The following EHF variants were observed in gnomAD, a reference collection of about 807,000 sequenced individuals.
EHF encodes ESE3 transcription factor.
EHF carries 14 observed loss-of-function variants against 45.1 expected under a neutral mutation model. The ratio of observed to expected loss-of-function variants is 0.31; its 90% CI spans 0.21 to 0.49. The LOEUF (loss-of-function observed/expected upper bound fraction) is 0.49. Among genes scored for constraint, EHF ranks in the 20% least tolerant of loss-of-function variants. The probability of loss-of-function intolerance (pLI) is 0.99; values close to 1 mark genes in which losing one functional copy is unlikely to be tolerated. For missense variants in EHF, 282 were observed against 371.4 expected, an observed-to-expected ratio of 0.76 and a Z score of 1.98; for synonymous variants, 136 against 131.8, an observed-to-expected ratio of 1.03 and a Z score of -0.22.
intron 1 of EHF, among the ~76,000 whole-genome samples, chr11:34,641,550 A>T (rs1436595139): frequency 2.0e-5 from 3 of 152,250 alleles, no homozygotes; most frequent in Middle Eastern, 6.8e-3. Flanking sequence ...CCCCAAAACA[A>T]GCAGAAAATT....
chr11:34,657,092 A>G, intron 7 of EHF, 122 bp downstream of exon 7: 1 of 1,185,958 alleles, frequency 8.4e-7, no homozygotes, highest in Non-Finnish European at 1.2e-6. Flanking sequence ...CATCCCAAAC[A>G]GGGTGGAGTG....
intron 1 of EHF, among the ~76,000 whole-genome samples, chr11:34,625,063 C>A (rs1048795545): frequency 5.3e-5 from 8 of 152,088 alleles, no homozygotes; most frequent in Non-Finnish European, 8.8e-5. Context: ...AGGATAAGCA[C>A]GAATCTGTGA....
At chr11:34,633,806 G>A (rs1853127784) in intron 1 of EHF, among the ~76,000 whole-genome samples, 2 of 152,098 alleles carry the variant, frequency 1.3e-5, no homozygotes. Context: ...CTTGTCTTTT[G>A]ATCAACTTGA....
chr11:34,627,408 C>T (rs893656394), intron 1 of EHF, among the ~76,000 whole-genome samples: 1 of 152,098 alleles, frequency 6.6e-6, no homozygotes, highest in Non-Finnish European at 1.5e-5. Context: ...TGATTCTCCT[C>T]CAGGCAGTTC....
intron 2 of EHF, among the ~76,000 whole-genome samples, chr11:34,645,791 T>C (rs1328287041): frequency 6.6e-6 from 1 of 152,132 alleles, no homozygotes; most frequent in Non-Finnish European, 1.5e-5. Flanking sequence ...GTGAAGAGCC[T>C]CAATGCCTAG....
intron 1 of EHF, chr11:34,624,256 C>T (rs1852177980): frequency 1.0e-6 from 1 of 985,224 alleles, no homozygotes; most frequent in South Asian, 4.7e-5. Context: ...GTCTAGAGAC[C>T]ACATTCTCAC....
chr11:34,646,688 A>C lies in EHF; in HGVS notation c.343+4A>C. The C allele has an allele frequency of 6.2e-7, 1 of 1,607,528 alleles. No homozygotes were observed. The highest frequency in any genetic ancestry group is 8.5e-7 in the Non-Finnish European group (1 of 1,179,908). ...TTGCAGCATCTGAAGTGGAACGGTG[A>C]CTCTCTCTTTCTGTGTCTCTCCCTA... On this transcript the variant is annotated splice_donor_region_variant and intron_variant, in intron 3 of 8. Transcript: ENST00000257831.
In EHF at chr11:34,662,829, G is replaced by A. The variant is rs574252523; in HGVS notation, c.*3898G>A. Among the ~76,000 whole-genome samples, 5 of 152,194 alleles carry A rather than the reference G, an allele frequency of 3.3e-5. No individual in the cohort carries two copies. In the South Asian group the frequency reaches 8.3e-4, roughly 25 times the overall value. On this transcript the variant is annotated 3_prime_UTR_variant, in exon 9 of 9. Coordinates refer to ENST00000257831, the MANE Select transcript of EHF (RefSeq NM_012153.6). ...AATTATGTAGGAAGCAATAGATCTC[G>A]GTAGTTACGTATTGGGCAGATACTT...
rs1855982500 is a variant in EHF at position 34,659,925 on chromosome 11, G to A, written c.*994G>A. On this transcript the variant is annotated 3_prime_UTR_variant, in exon 9 of 9. Coordinates refer to ENST00000257831, the MANE Select transcript of EHF (RefSeq NM_012153.6). ...ACCACTTGACACCAGAAACCCCCCA[G>A]CTGTGATAACGCAAAATGTCTCTAG... 6.6e-6 allele frequency: 1 copy of A among 152,120 alleles called. No individual in the cohort carries two copies. Among genetic ancestry groups the A allele is most frequent in the Non-Finnish European group, 1.5e-5 (1 of 68,030 alleles). 9.4% of individuals were successfully genotyped at this position (152,120 alleles called of 1,614,324 possible).
intron 6 of EHF, among the ~76,000 whole-genome samples, chr11:34,656,627 C>T (rs1482759298): frequency 1.3e-5 from 2 of 152,196 alleles, no homozygotes; most frequent in Non-Finnish European, 2.9e-5. Flanking sequence ...CCTTTTCCCT[C>T]ATATCCTTTA....
chr11:34,632,514 G>A lies in EHF; in HGVS notation c.-3-10114G>A, dbSNP rs1852986052. 2.6e-6 allele frequency: 4 copies of A among 1,534,490 alleles called. No homozygotes were observed. In the Admixed American group the frequency reaches 7.9e-5, roughly 30 times the overall value. On this transcript the variant is annotated intron_variant, in intron 1 of 8. Coordinates refer to ENST00000257831, the MANE Select transcript of EHF (RefSeq NM_012153.6). ...GTGGAGATTGGTTTTGGCTCAGGCT[G>A]CTTTGTGAAACTCAGAAGCATTATC...
rs753527625 is a variant in EHF at position 34,646,621 on chromosome 11, A to C, written c.280A>C (p.Thr94Pro). 6.2e-7 allele frequency: 1 copy of C among 1,613,820 alleles called. No individual in the cohort carries two copies. The highest frequency in any genetic ancestry group is 8.5e-7 in the Non-Finnish European group (1 of 1,179,910). Residue 94 changes from threonine to proline, a missense_variant, in exon 3 of 9, where the codon ACC becomes CCC. By Grantham distance (38) the Thr-to-Pro change is conservative. Transcript: ENST00000257831. The stretch of plus-strand genomic sequence containing the variant: ...CTGCAGCATGAGTTTGCAGGAGTTC[A>C]CCCGGGCGGCAGGGACGGCGGGGCA... ...HLCSMSLQEF[T>P]RAAGTAGQLL... is the part of the protein sequence containing the mutation.
chr11:34,649,128 C>G, intron 4 of EHF, 47 bp downstream of exon 4: 1 of 1,599,160 alleles, frequency 6.3e-7, no homozygotes, highest in South Asian at 1.1e-5. Context: ...GGCAAAGCTC[C>G]GGGGAGGACA....
intron 7 of EHF, 62 bp downstream of exon 7, chr11:34,657,032 G>A (rs768982623): frequency 5.0e-6 from 8 of 1,591,646 alleles, no homozygotes; most frequent in Non-Finnish European, 6.9e-6. Flanking sequence ...ACATCTGGAG[G>A]CCACTAGTTT....
In EHF at chr11:34,624,091, C is replaced by T. The variant is rs1429543058; in HGVS notation, c.-4+2863C>T. The stretch of plus-strand genomic sequence containing the variant: ...ATGTTGTGGTTTTAAGGAACTCAAT[C>T]TAAAGCTTGAACCTGATTTTCAGGG... On this transcript the variant is annotated intron_variant, in intron 1 of 8. Transcript: ENST00000257831. Among the ~76,000 whole-genome samples the T allele has an allele frequency of 3.3e-5, 5 of 152,230 alleles. No homozygotes were observed. In the East Asian group the frequency reaches 9.6e-4, roughly 29 times the overall value.
At chr11:34,632,539 C>A (rs754793836) in intron 1 of EHF, 2 of 1,535,436 alleles carry the variant, frequency 1.3e-6, no homozygotes, top group Non-Finnish European at 8.7e-7. Flanking sequence ...GAAGCATTAT[C>A]CTCTCTGCCA....
chr11:34,651,988 G>A (rs1045507114), intron 6 of EHF, among the ~76,000 whole-genome samples, 183 bp downstream of exon 6: 7 of 152,188 alleles, frequency 4.6e-5, no homozygotes, highest in African/African-American at 7.2e-5. Flanking sequence ...AAGATGACCC[G>A]TAGGGATCCT....
intron 6 of EHF, among the ~76,000 whole-genome samples, chr11:34,656,058 A>G (rs1470545250): frequency 2.0e-5 from 3 of 147,594 alleles, no homozygotes; most frequent in Non-Finnish European, 4.5e-5. Context: ...CCCAATACAC[A>G]CACACACACA....
chr11:34,661,100 T>G lies in EHF; in HGVS notation c.*2169T>G, dbSNP rs2134254571. On this transcript the variant is annotated 3_prime_UTR_variant, in exon 9 of 9. Coordinates refer to ENST00000257831, the MANE Select transcript of EHF (RefSeq NM_012153.6). ...CGATCTTGACTGTGCAACTCAGACA[T>G]TCCTGCAGAAAAGACATATGTTGCT... The G allele has an allele frequency of 6.6e-6, 1 of 152,302 alleles. No individual in the cohort carries two copies. Among genetic ancestry groups the G allele is most frequent in the South Asian group, 2.1e-4 (1 of 4,826 alleles). The allele number at this position is 152,302 out of a possible 1,614,324, so 9.4% of individuals were successfully genotyped here.
Sources: allele counts gnomAD v4.1 joint callset (sites outside exome capture counted in the v4.1 genomes callset), GRCh38; gene constraint gnomAD v4.1.1; transcripts MANE v1.5; gene names NCBI Gene and HGNC (gene_info 2026-07-23, HGNC 2026-07-21).